LCOR: variants seen among roughly 807,000 people sequenced by gnomAD.
LCOR encodes the protein ligand dependent nuclear receptor corepressor, also known as ligand-dependent corepressor.
A neutral mutation model predicts 64.4 loss-of-function variants in LCOR; 14 were observed. That is an observed-to-expected ratio of 0.22 (90% CI 0.14 to 0.34). The LOEUF is 0.34. Ranked by LOEUF, LCOR falls within the 10% of genes least tolerant of loss-of-function variation. The probability of loss-of-function intolerance (pLI) is 1.00; values close to 1 mark genes in which losing one functional copy is unlikely to be tolerated. For synonymous variants in LCOR, 643 were observed against 642.5 expected (o/e 1.00, Z -0.01); for missense variants, 1,686 against 1,765.3 (o/e 0.96, Z 0.80).
intron 4 of LCOR, among the ~76,000 whole-genome samples, chr10:96,942,305 T>A (rs1396645445): frequency 6.7e-6 from 1 of 149,572 alleles, no homozygotes; most frequent in Admixed American, 6.7e-5. Flanking sequence ...CAGTCAGGCG[T>A]GGCGGCGCGC....
At chr10:96,947,380 G>A (rs1340511283) in intron 5 of LCOR, among the ~76,000 whole-genome samples, 3 of 152,028 alleles carry the variant, frequency 2.0e-5, no homozygotes, top group Non-Finnish European at 4.4e-5. Context: ...GGAAAAAATT[G>A]CCTGTTCTTA....
chr10:96,941,064 C>A (rs1174860489), intron 4 of LCOR, among the ~76,000 whole-genome samples: 1 of 103,130 alleles, frequency 9.7e-6, no homozygotes, highest in South Asian at 3.4e-4. Context: ...GCTGGCCGAC[C>A]CCCCCCCCGC....
Position 96,982,134 on chromosome 10 carries a change from G to T in LCOR, c.1674G>T (p.Gln558His). The T allele has an allele frequency of 6.2e-7, 1 of 1,614,158 alleles. No homozygotes were observed. Among genetic ancestry groups the T allele is most frequent in the Non-Finnish European group, 8.5e-7 (1 of 1,180,018 alleles). The change falls in exon 8 of 8, where the codon CAG becomes CAT. Residue 558 changes from glutamine (Q) to histidine (H), a missense_variant. Physicochemically the swap from Gln to His is conservative, Grantham distance 24. Coordinates refer to ENST00000421806, the MANE Select transcript of LCOR (RefSeq NM_001346516.2). ...IPAPRHTVDV[Q>H]LPREDNPEEP... Reference sequence around the variant, plus strand: ...CCCCTAGACATACAGTAGATGTGCAGCTTCCCAGAGAAGACAACCCTGAAG... The same window carrying T: ...CCCCTAGACATACAGTAGATGTGCATCTTCCCAGAGAAGACAACCCTGAAG...
At chr10:96,978,851 C>CT (rs1408227204) in intron 7 of LCOR, among the ~76,000 whole-genome samples, 1 of 152,210 alleles carries the variant, frequency 6.6e-6, no homozygotes, top group African/African-American at 2.4e-5. Context: ...AGCACCTGCC[C>CT]TTTTGTGCTT....
rs1442069959 is a variant in LCOR at position 96,986,095 on chromosome 10, T to C, written c.*961T>C. ...AAAGCCGAACTATTATTTCCAGTAA[T>C]AGAAAGGTTTAAGAATATGTATGTC... is the stretch of plus-strand genomic sequence containing the variant. On this transcript the variant is annotated 3_prime_UTR_variant, in exon 8 of 8. Coordinates refer to ENST00000421806, the MANE Select transcript of LCOR (RefSeq NM_001346516.2). 1.2e-5 allele frequency: 2 copies of C among 167,038 alleles called. No homozygotes were observed. The highest frequency in any genetic ancestry group is 2.9e-5 in the Non-Finnish European group (2 of 68,118). The allele number at this position is 167,038 out of a possible 1,614,324, so 10.3% of individuals were successfully genotyped here.
At chr10:96,937,666 C>T (rs1400693734) in intron 4 of LCOR, among the ~76,000 whole-genome samples, 1 of 152,060 alleles carries the variant, frequency 6.6e-6, no homozygotes, top group Non-Finnish European at 1.5e-5. Context: ...CTGGCATATT[C>T]TGTCAGACAT....
rs559190386 is a variant in LCOR, at chr10:96,952,584, T to C, written c.332+388T>C. Among the ~76,000 whole-genome samples, 37 of 148,590 alleles carry C rather than the reference T, an allele frequency of 2.5e-4. No homozygotes were observed. The East Asian group carries it at 7.4e-3, about 30-fold the overall frequency. On this transcript the variant is annotated intron_variant, in intron 7 of 7. Coordinates refer to ENST00000421806, the MANE Select transcript of LCOR (RefSeq NM_001346516.2). Reference sequence around the variant, plus strand: ...TGGGGTTTGTGTGTGTGTGTGTGTGTTCATTTTTGTTTGTTTCTTTTGGGT... The same window carrying C: ...TGGGGTTTGTGTGTGTGTGTGTGTGCTCATTTTTGTTTGTTTCTTTTGGGT...
At chr10:96,853,829 CTT>C (rs1309168918) in intron 2 of LCOR, among the ~76,000 whole-genome samples, 1 of 152,124 alleles carries the variant, frequency 6.6e-6, no homozygotes, top group East Asian at 1.9e-4. Flanking sequence ...CCTTAGGAAA[CTT>C]AACATTCATG....
At chr10:96,912,603 C>CCTTT (rs139544329) in intron 4 of LCOR, among the ~76,000 whole-genome samples, 1 of 137,140 alleles carries the variant, frequency 7.3e-6, no homozygotes, top group East Asian at 2.0e-4. Flanking sequence ...TTCCTTTCTT[C>CCTTT]CTTTCTTCCT....
intron 7 of LCOR, chr10:96,963,838 C>A (rs530084801): frequency 6.6e-6 from 1 of 152,160 alleles, no homozygotes; most frequent in African/African-American, 2.4e-5. Flanking sequence ...AAAATAAATT[C>A]TCTCCACATA....
At chr10:96,963,763 G>A (rs1217653982) in intron 7 of LCOR, 1 of 152,036 alleles carries the variant, frequency 6.6e-6, no homozygotes, top group Non-Finnish European at 1.5e-5. Flanking sequence ...TTTGTTTTCT[G>A]CAGTACTATC....
At chr10:96,862,509 G>A (rs1455889719) in intron 2 of LCOR, among the ~76,000 whole-genome samples, 2 of 152,028 alleles carry the variant, frequency 1.3e-5, no homozygotes, top group East Asian at 1.9e-4. Context: ...CAGGTGATCC[G>A]CCCGCCTCAG....
At chr10:96,849,514 T>A (rs920185645) in intron 2 of LCOR, among the ~76,000 whole-genome samples, 1 of 152,206 alleles carries the variant, frequency 6.6e-6, no homozygotes, top group Non-Finnish European at 1.5e-5. Context: ...CCAGCCAGGT[T>A]GAGCGTCTTT....
Position 96,995,822 on chromosome 10 carries a change from CTT to C in LCOR, c.*10689_*10690del, listed in dbSNP as rs780085271. ...GATGTCCTGTGTTGTTTCAGATTCT[CTT>C]GTTTGGTTTTGAAGGATGCGGTGTG... On this transcript the variant is annotated 3_prime_UTR_variant, in exon 8 of 8. Coordinates refer to ENST00000421806, the MANE Select transcript of LCOR (RefSeq NM_001346516.2). This position sits in a 1 kb window ranked among gnomAD's most constrained non-coding sequence, Gnocchi z 4.2. 9.8e-5 allele frequency: 15 copies of C among 152,286 alleles called. No homozygotes were observed. The highest frequency in any genetic ancestry group is 1.4e-4 in the African/African-American group (6 of 41,544). 9.4% of individuals were successfully genotyped at this position (152,286 alleles called of 1,614,324 possible).
chr10:96,890,878 C>T (rs940338912), intron 2 of LCOR, among the ~76,000 whole-genome samples: 2 of 152,058 alleles, frequency 1.3e-5, no homozygotes, highest in Non-Finnish European at 2.9e-5. Flanking sequence ...TATGTTGAAC[C>T]AGCCTTGCAT....
intron 4 of LCOR, among the ~76,000 whole-genome samples, chr10:96,911,368 G>A (rs1421504770): frequency 6.6e-6 from 1 of 152,088 alleles, no homozygotes; most frequent in African/African-American, 2.4e-5. Flanking sequence ...AGAGTGCTGG[G>A]ATTACAGCGT....
Position 96,994,219 on chromosome 10 carries a change from T to A in LCOR, c.*9085T>A, listed in dbSNP as rs1167674926. 2 of 152,196 alleles carry A rather than the reference T, an allele frequency of 1.3e-5. No homozygotes were observed. The highest frequency in any genetic ancestry group is 2.9e-5 in the Non-Finnish European group (2 of 68,026). The allele number at this position is 152,196 out of a possible 1,614,324, so 9.4% of individuals were successfully genotyped here. On this transcript the variant is annotated 3_prime_UTR_variant, in exon 8 of 8. Transcript: ENST00000421806. ...ATTTAAGTGGCCAGTTCAATGTCCTTTGGCTATATTTGACCTACCTTTAAA... is the reference window on the plus strand; with the variant it reads ...ATTTAAGTGGCCAGTTCAATGTCCTATGGCTATATTTGACCTACCTTTAAA...
chr10:96,918,763 G>A (rs1846997974), intron 4 of LCOR, among the ~76,000 whole-genome samples: 1 of 152,186 alleles, frequency 6.6e-6, no homozygotes, highest in Non-Finnish European at 1.5e-5. Flanking sequence ...AGGCATGAAT[G>A]CCTGAATATA....
At chr10:96,884,959 G>A (rs1846318305) in intron 2 of LCOR, among the ~76,000 whole-genome samples, 1 of 152,086 alleles carries the variant, frequency 6.6e-6, no homozygotes, top group African/African-American at 2.4e-5. Context: ...TGTGTTTGTT[G>A]GGGAGGGGAG....
Sources: allele counts gnomAD v4.1 joint callset (sites outside exome capture counted in the v4.1 genomes callset), GRCh38; gene constraint gnomAD v4.1.1; non-coding constraint Gnocchi (gnomAD v3.1); transcripts MANE v1.5; gene names NCBI Gene and HGNC (gene_info 2026-07-23, HGNC 2026-07-21).